Variants in EPB41L4B observed in about 807,000 individuals in gnomAD.
The protein encoded by EPB41L4B is band 4.1-like protein 4B.
A neutral mutation model predicts 112.5 loss-of-function variants in EPB41L4B; 30 were observed. The ratio of observed to expected loss-of-function variants is 0.27; its 90% confidence interval spans 0.20 to 0.36. EPB41L4B has a LOEUF of 0.36. Ranked by LOEUF, EPB41L4B falls within the 10% of genes least tolerant of loss-of-function variation. The pLI is 1.00. For synonymous variants in EPB41L4B, 408 were observed against 439.7 expected (o/e 0.93, Z 0.90); for missense variants, 1,024 against 1,133.3 (o/e 0.90, Z 1.38).
chr9:109,291,714 C>T (rs1021431130), intron 1 of EPB41L4B, among the ~76,000 whole-genome samples: 1 of 152,120 alleles, frequency 6.6e-6, no homozygotes, highest in Non-Finnish European at 1.5e-5. Context: ...TCTTGGTGTG[C>T]GAGTCCGTGG....
In EPB41L4B at chr9:109,185,413, G is replaced by A. The variant is rs1832217289; in HGVS notation, c.2418+76C>T. On this transcript the variant is annotated intron_variant, in intron 23 of 25. Transcript: ENST00000374566. ...TCTGGGGCTTCTGCACGCCCACCCA[G>A]GCTTCCACCTCGCCTGGTGGCTCCT... The A allele has an allele frequency of 1.4e-5, 18 of 1,303,464 alleles. No homozygotes were observed. In the South Asian group the frequency reaches 1.8e-4, roughly 13 times the overall value. The allele number at this position is 1,303,464 out of a possible 1,614,324, so 80.7% of individuals were successfully genotyped here.
chr9:109,307,020 T>TG (rs1243170491), intron 1 of EPB41L4B, among the ~76,000 whole-genome samples: 20 of 151,190 alleles, frequency 1.3e-4, no homozygotes, highest in Non-Finnish European at 3.0e-4. Context: ...CAGTTGTTTT[T>TG]TTTTTTTTTT....
intron 15 of EPB41L4B, among the ~76,000 whole-genome samples, chr9:109,233,334 G>C (rs1418689152): frequency 6.6e-6 from 1 of 152,018 alleles, no homozygotes; most frequent in African/African-American, 2.4e-5. Context: ...AATGCACCAG[G>C]GAAATTCATG....
chr9:109,284,670 A>G (rs1836201910), intron 1 of EPB41L4B, among the ~76,000 whole-genome samples: 1 of 152,232 alleles, frequency 6.6e-6, no homozygotes, highest in African/African-American at 2.4e-5. Context: ...AGCTTCCCAA[A>G]GCACTGAGAT....
intron 22 of EPB41L4B, among the ~76,000 whole-genome samples, chr9:109,188,965 G>A (rs1044277733): frequency 1.3e-5 from 2 of 152,178 alleles, no homozygotes; most frequent in Non-Finnish European, 2.9e-5. Context: ...GGAGTAGCGT[G>A]CAGGACTCCG....
intron 4 of EPB41L4B, among the ~76,000 whole-genome samples, chr9:109,266,197 C>A (rs191087697): frequency 6.6e-6 from 1 of 152,206 alleles, no homozygotes; most frequent in East Asian, 1.9e-4. Flanking sequence ...CAGGGCAAAA[C>A]GCTGTCTCTA....
At chr9:109,180,345 C>G (rs1310290048) in intron 24 of EPB41L4B, among the ~76,000 whole-genome samples, 1 of 152,218 alleles carries the variant, frequency 6.6e-6, no homozygotes, top group Non-Finnish European at 1.5e-5. Flanking sequence ...ACTGCCAAGG[C>G]TGGGCAGAAG....
chr9:109,183,273 CTAATTAAGCTAGAAA>C (rs1832133312), intron 23 of EPB41L4B, among the ~76,000 whole-genome samples: 1 of 152,108 alleles, frequency 6.6e-6, no homozygotes, highest in Admixed American at 6.6e-5. Context: ...GGCGGCTGGG[CTAATTAAGCTAGAAA>C]GTATTCCCTG....
At chr9:109,295,869 A>G (rs901959305) in intron 1 of EPB41L4B, among the ~76,000 whole-genome samples, 9 of 152,108 alleles carry the variant, frequency 5.9e-5, no homozygotes, top group Non-Finnish European at 1.3e-4. Flanking sequence ...AAATCAGGAA[A>G]AAAACCCACA....
chr9:109,320,922 C>A lies in EPB41L4B; in HGVS notation c.-476G>T, dbSNP rs938392947. On this transcript the variant is annotated 5_prime_UTR_variant, in exon 1 of 26. Transcript: ENST00000374566. ...CACTCGCCGCGCCGCGCCCGGGGCC[C>A]GAGGAGGCCCCGCCGAGCGCCCGCT... 1 of 154,906 alleles carries A rather than the reference C, an allele frequency of 6.5e-6. No homozygotes were observed. The highest frequency in any genetic ancestry group is 1.4e-5 in the Non-Finnish European group (1 of 71,258). The allele number at this position is 154,906 out of a possible 1,614,324, so 9.6% of individuals were successfully genotyped here. A position where few individuals can be genotyped will look rare whatever the true frequency, so the allele number is the denominator to read the frequency against.
chr9:109,246,616 G>C (rs777922108), intron 14 of EPB41L4B, among the ~76,000 whole-genome samples: 1 of 152,244 alleles, frequency 6.6e-6, no homozygotes, highest in Non-Finnish European at 1.5e-5. Flanking sequence ...GGAGTGGTGA[G>C]AAATAAATAG....
intron 20 of EPB41L4B, among the ~76,000 whole-genome samples, chr9:109,197,667 T>C (rs1231805330): frequency 1.3e-5 from 2 of 151,664 alleles, no homozygotes; most frequent in African/African-American, 4.8e-5. Context: ...AAGAGCCAGT[T>C]TGATTAGCCG....
intron 1 of EPB41L4B, among the ~76,000 whole-genome samples, chr9:109,280,678 C>A (rs1031719558): frequency 6.6e-5 from 10 of 152,146 alleles, no homozygotes; most frequent in African/African-American, 2.4e-4. Context: ...ATACTGAAGT[C>A]TCTGACAAAT....
intron 24 of EPB41L4B, among the ~76,000 whole-genome samples, chr9:109,179,571 T>TC (rs754554745): frequency 1.2e-3 from 190 of 152,290 alleles, no homozygotes; most frequent in Non-Finnish European, 2.1e-3. Flanking sequence ...ATTCATTGTG[T>TC]CCACCTGGAT....
At chr9:109,277,845 G>C (rs1316457043) in intron 2 of EPB41L4B, among the ~76,000 whole-genome samples, 1 of 152,204 alleles carries the variant, frequency 6.6e-6, no homozygotes, top group Non-Finnish European at 1.5e-5. Context: ...TGGGAAAATG[G>C]AAGGAATCAA....
At chr9:109,221,660 C>A (rs1277760419) in intron 15 of EPB41L4B, among the ~76,000 whole-genome samples, 1 of 152,034 alleles carries the variant, frequency 6.6e-6, no homozygotes, top group East Asian at 1.9e-4. Flanking sequence ...GAGGACCAGG[C>A]AAATGGCATG....
At chr9:109,277,571 CTGATGCCAGAAGGCACAGACCGT>C (rs1316426591) in intron 2 of EPB41L4B, among the ~76,000 whole-genome samples, 5 of 152,182 alleles carry the variant, frequency 3.3e-5, no homozygotes, top group Admixed American at 2.6e-4. Flanking sequence ...GTGATCGGTG[CTGATGCCAGAAGGCACAGACCGT>C]GGCTCTCTCC....
At chr9:109,178,241 TTTTG>T (rs1831917952) in intron 24 of EPB41L4B, among the ~76,000 whole-genome samples, 1 of 152,000 alleles carries the variant, frequency 6.6e-6, no homozygotes, top group African/African-American at 2.4e-5. Flanking sequence ...AATGCATAGT[TTTTG>T]TTTGTTTTAT....
intron 15 of EPB41L4B, chr9:109,241,486 T>A: frequency 1.4e-6 from 2 of 1,388,830 alleles, no homozygotes; most frequent in Non-Finnish European, 1.9e-6. Flanking sequence ...CAACAGTAAA[T>A]TATGACAAGC....
Sources: gnomAD v4.1 joint callset for allele counts (sites outside exome capture counted in the v4.1 genomes callset) on GRCh38, gnomAD v4.1.1 for gene constraint, MANE v1.5 for transcripts, NCBI Gene and HGNC (gene_info 2026-07-23, HGNC 2026-07-21) for gene names.